Variants in SETBP1 observed in about 807,000 individuals in gnomAD.
SETBP1 encodes the protein SET binding protein 1.
Under a neutral mutation model 101.0 loss-of-function variants are expected in SETBP1, and 9 were observed. The observed-to-expected ratio is 0.09, with a 90% CI of 0.05 to 0.16. SETBP1 has a LOEUF of 0.16. Ranked by LOEUF, SETBP1 falls within the 10% of genes least tolerant of loss-of-function variation. SETBP1 has a pLI of 1.00. For missense variants in SETBP1, 1,858 were observed against 2,033.8 expected (o/e 0.91, Z 1.66); for synonymous variants, 818 against 788.5 (o/e 1.04, Z -0.63).
At chr18:44,838,038 G>A (rs1487362995) in intron 2 of SETBP1, among the ~76,000 whole-genome samples, 1 of 152,100 alleles carries the variant, frequency 6.6e-6, no homozygotes, top group Non-Finnish European at 1.5e-5. Flanking sequence ...ACCCATGCTT[G>A]GTGGAGTCTC....
At chr18:44,901,412 T>C (rs1045124513) in intron 3 of SETBP1, among the ~76,000 whole-genome samples, 1 of 152,212 alleles carries the variant, frequency 6.6e-6, no homozygotes, top group Non-Finnish European at 1.5e-5. Context: ...ATCTAATGAA[T>C]TCCGTCTTTT....
Position 45,063,732 on chromosome 18 carries a change from G to T in SETBP1, c.*34G>T. ...TGGGCGTCTGCACCTGGGGCCTAGG[G>T]AACTGACACGTGGGAAGCGCAGTGA... On this transcript the variant is annotated 3_prime_UTR_variant, in exon 6 of 6. Transcript: ENST00000649279. The T allele has an allele frequency of 6.3e-7, 1 of 1,588,736 alleles. No homozygotes were observed. Among genetic ancestry groups the T allele is most frequent in the Non-Finnish European group, 8.6e-7 (1 of 1,167,954 alleles).
chr18:44,844,423 C>T (rs1340466289), intron 2 of SETBP1, among the ~76,000 whole-genome samples: 1 of 151,194 alleles, frequency 6.6e-6, no homozygotes, highest in Non-Finnish European at 1.5e-5. Flanking sequence ...GACATACTTC[C>T]TGCTTCTTAC....
At chr18:45,052,221 A>G (rs995903915) in intron 5 of SETBP1, among the ~76,000 whole-genome samples, 6 of 152,220 alleles carry the variant, frequency 3.9e-5, no homozygotes, top group African/African-American at 9.6e-5. Context: ...GATTAATCCC[A>G]TAATCATAAT....
intron 4 of SETBP1, among the ~76,000 whole-genome samples, chr18:44,971,427 T>A (rs1434884238): frequency 5.3e-5 from 8 of 152,166 alleles, no homozygotes; most frequent in Admixed American, 5.2e-4. Context: ...TATTTCTAGT[T>A]CTAGATCCCT....
At chr18:44,795,718 T>A (rs1451743125) in intron 2 of SETBP1, among the ~76,000 whole-genome samples, 4 of 152,242 alleles carry the variant, frequency 2.6e-5, no homozygotes. Flanking sequence ...AAATCATTGC[T>A]TAGAAAATCA....
intron 4 of SETBP1, among the ~76,000 whole-genome samples, chr18:44,985,175 G>A (rs2072204471): frequency 6.6e-6 from 1 of 152,164 alleles, no homozygotes; most frequent in African/African-American, 2.4e-5. Context: ...TGAGGTGTAA[G>A]AGATCTGTCT....
At chr18:44,866,743 C>T (rs2069137972) in intron 2 of SETBP1, among the ~76,000 whole-genome samples, 1 of 152,184 alleles carries the variant, frequency 6.6e-6, no homozygotes, top group Non-Finnish European at 1.5e-5. Context: ...CTTTTATTTT[C>T]CGTCCTTTCC....
chr18:44,880,915 C>G (rs1180807475), intron 3 of SETBP1, among the ~76,000 whole-genome samples: 4 of 152,170 alleles, frequency 2.6e-5, no homozygotes, highest in African/African-American at 4.8e-5. Flanking sequence ...CAAACTATAT[C>G]AAGCATGGTG....
At chr18:44,680,338 G>A (rs1302114756), upstream of SETBP1, 3 of 151,436 alleles carry the variant, frequency 2.0e-5, no homozygotes, top group African/African-American at 7.3e-5. Flanking sequence ...GGCGAGCGAC[G>A]GGAGCCGGGA....
At chr18:44,751,099 C>T (rs1456169265) in intron 2 of SETBP1, among the ~76,000 whole-genome samples, 2 of 152,204 alleles carry the variant, frequency 1.3e-5, no homozygotes, top group Non-Finnish European at 2.9e-5. Context: ...TTACTATCTC[C>T]TGCAGGACAT....
At position 45,048,977 on chromosome 18, in the gene SETBP1, T is replaced by TAAAAAAAAA. The variant is rs1388489749; in HGVS notation, c.4171+10322_4171+10323insAAAAAAAAA. On this transcript the variant is annotated intron_variant, in intron 5 of 5. Transcript: ENST00000649279. ...CTGGGCGACAGAGCGAGACTCCGTC[T>TAAAAAAAAA]CAAAAAAAAAAAAAAAAAAAAAAAA... is the stretch of plus-strand genomic sequence containing the variant. Among the ~76,000 whole-genome samples, 5 of 10,642 alleles carry TAAAAAAAAA rather than the reference T, an allele frequency of 4.7e-4. No homozygotes were observed. In the Admixed American group the frequency reaches 6.0e-3, roughly 13 times the overall value. 7.0% of individuals were successfully genotyped at this position (10,642 alleles called of 152,430 possible).
At chr18:44,892,273 G>A (rs573019028) in intron 3 of SETBP1, among the ~76,000 whole-genome samples, 7 of 152,244 alleles carry the variant, frequency 4.6e-5, no homozygotes, top group Admixed American at 1.3e-4. Flanking sequence ...TAGCTGTTTC[G>A]TTGGTGGAGA....
At chr18:44,868,819 CT>C (rs1488373823) in intron 2 of SETBP1, among the ~76,000 whole-genome samples, 1 of 152,062 alleles carries the variant, frequency 6.6e-6, no homozygotes, top group Non-Finnish European at 1.5e-5. Context: ...AGCAGTAATT[CT>C]TGTATCACAG....
chr18:44,804,613 AT>A (rs770853067), intron 2 of SETBP1, among the ~76,000 whole-genome samples: 18 of 152,082 alleles, frequency 1.2e-4, no homozygotes, highest in Non-Finnish European at 2.1e-4. Flanking sequence ...ATCCCAAAGT[AT>A]TTTCATAATT....
At chr18:44,841,058 T>C (rs1345091002) in intron 2 of SETBP1, among the ~76,000 whole-genome samples, 2 of 152,248 alleles carry the variant, frequency 1.3e-5, no homozygotes, top group Non-Finnish European at 2.9e-5. Context: ...ACTTAGTAGC[T>C]TAAAACGATA....
At chr18:44,716,723 C>G (rs148940712) in intron 2 of SETBP1, among the ~76,000 whole-genome samples, 1 of 152,074 alleles carries the variant, frequency 6.6e-6, no homozygotes, top group African/African-American at 2.4e-5. Flanking sequence ...CCACCATGCC[C>G]GGCTCATTTT....
chr18:44,701,088 G>A (rs1045791540), intron 1 of SETBP1, 87 bp from the exon 2 acceptor site: 14 of 375,776 alleles, frequency 3.7e-5, no homozygotes, highest in South Asian at 1.1e-4. Flanking sequence ...CCATAGATAC[G>A]TGGAAGGGGG....
At chr18:44,856,553 C>T (rs1057148170) in intron 2 of SETBP1, among the ~76,000 whole-genome samples, 3 of 152,148 alleles carry the variant, frequency 2.0e-5, no homozygotes, top group Non-Finnish European at 4.4e-5. Flanking sequence ...TATCTTACTA[C>T]TTTTGTTATA....
Sources: gnomAD v4.1 joint callset for allele counts (sites outside exome capture counted in the v4.1 genomes callset) on GRCh38, gnomAD v4.1.1 for gene constraint, MANE v1.5 for transcripts, NCBI Gene and HGNC (gene_info 2026-07-23, HGNC 2026-07-21) for gene names.